The following PSD3 variants were observed in gnomAD, a reference collection of about 807,000 sequenced individuals.
PSD3 encodes the protein PH and SEC7 domain-containing protein 3.
In PSD3, 49 loss-of-function variants were observed where a neutral mutation model predicts 105.5. The observed-to-expected ratio is 0.46, with a 90% CI of 0.37 to 0.59. The LOEUF (loss-of-function observed/expected upper bound fraction) is 0.59. Among genes scored for constraint, PSD3 ranks in the 20% least tolerant of loss-of-function variants. The pLI is 0.00. For synonymous variants in PSD3, 557 were observed against 457.8 expected (o/e 1.22, Z -2.77); for missense variants, 1,561 against 1,263.8 (o/e 1.24, Z -3.57).
At chr8:18,770,653 C>T (rs1205338895) in intron 8 of PSD3, among the ~76,000 whole-genome samples, 1 of 152,210 alleles carries the variant, frequency 6.6e-6, no homozygotes, top group Non-Finnish European at 1.5e-5. Context: ...ACTGGTCCCG[C>T]AGCAACATCT....
At chr8:18,763,922 G>C (rs1041242840) in intron 9 of PSD3, among the ~76,000 whole-genome samples, 1 of 151,966 alleles carries the variant, frequency 6.6e-6, no homozygotes, top group African/African-American at 2.4e-5. Flanking sequence ...TTTCCCATGA[G>C]GTTTATAAAC....
rs1814168567 is a variant in PSD3, at chr8:18,837,013, G to A, written c.1634+30661C>T. 2.7e-5 allele frequency among the ~76,000 whole-genome samples: 4 copies of A among 150,100 alleles called. No homozygotes were observed. The South Asian group carries it at 8.4e-4, about 32-fold the overall frequency. Reference sequence around the variant, plus strand: ...TCAAATCAAGTTTTGTTTCCGGTTTGATCTGATGGCAAGGCTTTTAACTAA... The same window carrying A: ...TCAAATCAAGTTTTGTTTCCGGTTTAATCTGATGGCAAGGCTTTTAACTAA... On this transcript the variant is annotated intron_variant, in intron 4 of 15. Transcript: ENST00000327040.
At chr8:18,627,368 T>C (rs1204050427) in intron 11 of PSD3, among the ~76,000 whole-genome samples, 1 of 152,042 alleles carries the variant, frequency 6.6e-6, no homozygotes, top group Non-Finnish European at 1.5e-5. Flanking sequence ...TCTGAAGACC[T>C]GCAGAGGATA....
intron 9 of PSD3, among the ~76,000 whole-genome samples, chr8:18,702,629 T>G (rs1801653359): frequency 6.6e-6 from 1 of 152,082 alleles, no homozygotes; most frequent in Admixed American, 6.6e-5. Context: ...CTTTCTTTTT[T>G]TGAGATGGAA....
At chr8:18,788,491 G>C (rs1809396127) in intron 8 of PSD3, among the ~76,000 whole-genome samples, 1 of 152,182 alleles carries the variant, frequency 6.6e-6, no homozygotes, top group Non-Finnish European at 1.5e-5. Flanking sequence ...TAGGAGAGCT[G>C]CGAATAGGGC....
intron 15 of PSD3, among the ~76,000 whole-genome samples, chr8:18,555,082 G>T (rs1010317134): frequency 6.6e-6 from 1 of 152,038 alleles, no homozygotes; most frequent in Non-Finnish European, 1.5e-5. Flanking sequence ...GGGAATCGGG[G>T]AAGCTGTAGG....
At chr8:18,913,086 AAC>A (rs72253853) in intron 2 of PSD3, among the ~76,000 whole-genome samples, 24,018 of 130,226 alleles carry the variant, frequency 0.18, 1,925 homozygotes, top group South Asian at 0.29. Context: ...CACACACACA[AAC>A]ACACACACAC....
rs1251062480 is a variant in PSD3 at position 18,535,291 on chromosome 8, G to C, written c.*452C>G. 3 of 171,238 alleles carry C rather than the reference G, an allele frequency of 1.8e-5. No individual in the cohort carries two copies. The highest frequency in any genetic ancestry group is 4.8e-5 in the African/African-American group (2 of 41,556). The allele number at this position is 171,238 out of a possible 1,614,324, so 10.6% of individuals were successfully genotyped here. On this transcript the variant is annotated 3_prime_UTR_variant, in exon 16 of 16. Coordinates refer to ENST00000327040, the MANE Select transcript of PSD3 (RefSeq NM_015310.4). ...GTGCTCAATTCTACCTCTGTGACTG[G>C]GCAAGATTTCACATATAAAGGCGTA... is the stretch of plus-strand genomic sequence containing the variant.
At chr8:18,768,634 C>T (rs1039138574) in intron 8 of PSD3, among the ~76,000 whole-genome samples, 15 of 152,164 alleles carry the variant, frequency 9.9e-5, no homozygotes, top group Non-Finnish European at 5.9e-5. Context: ...TATGTATACA[C>T]AACCTCAAAT....
intron 1 of PSD3, among the ~76,000 whole-genome samples, chr8:19,069,753 C>G (rs543827710): frequency 6.0e-4 from 91 of 152,268 alleles, no homozygotes; most frequent in Non-Finnish European, 1.1e-3. Flanking sequence ...AATCACTCAG[C>G]TAGCTGGACT....
rs372241357 is a variant in PSD3 at position 18,823,807 on chromosome 8, C to A, written c.1635-18909G>T. Among the ~76,000 whole-genome samples, 131 of 150,504 alleles carry A rather than the reference C, an allele frequency of 8.7e-4. No homozygotes were observed. The East Asian group carries it at 0.019, about 22-fold the overall frequency. On this transcript the variant is annotated intron_variant, in intron 4 of 15. Transcript: ENST00000327040. ...ACACACACACACACACACACACACACACACACACCCCATTCCATGTTCACA... is the reference window on the plus strand; with the variant it reads ...ACACACACACACACACACACACACAAACACACACCCCATTCCATGTTCACA...
At chr8:18,970,055 C>A (rs1183576283) in intron 1 of PSD3, among the ~76,000 whole-genome samples, 2 of 38,256 alleles carry the variant, frequency 5.2e-5, no homozygotes, top group Non-Finnish European at 1.2e-4. Context: ...CGGCCAGGTG[C>A]GGGCTCACAC....
intron 2 of PSD3, among the ~76,000 whole-genome samples, chr8:18,919,685 T>C (rs748236368): frequency 6.6e-6 from 1 of 152,052 alleles, no homozygotes; most frequent in African/African-American, 2.4e-5. Flanking sequence ...TAATTTTCTA[T>C]GTGCGCCATT....
intron 4 of PSD3, among the ~76,000 whole-genome samples, chr8:18,852,491 G>C (rs977963470): frequency 2.0e-5 from 3 of 152,174 alleles, no homozygotes; most frequent in African/African-American, 7.2e-5. Context: ...TGCCTATGGG[G>C]TACATGTGTA....
chr8:18,677,539 T>A (rs749437878), intron 9 of PSD3, among the ~76,000 whole-genome samples: 1 of 152,066 alleles, frequency 6.6e-6, no homozygotes, highest in Non-Finnish European at 1.5e-5. Context: ...AGCAATATTG[T>A]GTAAGGAGTG....
At chr8:19,028,265 C>T (rs1827631744) in intron 1 of PSD3, among the ~76,000 whole-genome samples, 2 of 133,730 alleles carry the variant, frequency 1.5e-5, no homozygotes, top group African/African-American at 2.7e-5. Flanking sequence ...AATCTTTTGC[C>T]ACCTCTCACA....
At chr8:18,699,758 T>C (rs1585656604) in intron 9 of PSD3, among the ~76,000 whole-genome samples, 1 of 152,060 alleles carries the variant, frequency 6.6e-6, no homozygotes, top group African/African-American at 2.4e-5. Context: ...TGGTGGGTGG[T>C]CACACTGGGA....
intron 2 of PSD3, among the ~76,000 whole-genome samples, chr8:18,887,234 T>C (rs910662388): frequency 6.6e-6 from 1 of 152,198 alleles, no homozygotes; most frequent in Non-Finnish European, 1.5e-5. Context: ...TGCAAACACA[T>C]TGTTTAAAAG....
intron 4 of PSD3, among the ~76,000 whole-genome samples, chr8:18,855,775 C>T (rs539508055): frequency 1.1e-4 from 16 of 152,240 alleles, no homozygotes; most frequent in African/African-American, 3.4e-4. Flanking sequence ...TACTTCACTA[C>T]GTAGGGAAGG....
Sources: allele counts gnomAD v4.1 joint callset (sites outside exome capture counted in the v4.1 genomes callset), GRCh38; gene constraint gnomAD v4.1.1; transcripts MANE v1.5; gene names NCBI Gene and HGNC (gene_info 2026-07-23, HGNC 2026-07-21).